Variants in SPTAN1 observed in about 807,000 individuals in gnomAD.
SPTAN1 encodes the protein spectrin alpha, non-erythrocytic 1.
A neutral mutation model predicts 331.3 loss-of-function variants in SPTAN1; 61 were observed. The ratio of observed to expected loss-of-function variants is 0.18; its 90% CI spans 0.15 to 0.23. SPTAN1 has a LOEUF of 0.23. Ranked by LOEUF, SPTAN1 falls within the 10% of genes least tolerant of loss-of-function variation. The pLI is 1.00. For missense variants in SPTAN1, 2,043 were observed against 3,147.9 expected (o/e 0.65, Z 8.40); for synonymous variants, 1,153 against 1,173.9 (o/e 0.98, Z 0.36).
chr9:128,576,887 G>A lies in SPTAN1; in HGVS notation c.716G>A (p.Arg239Gln), dbSNP rs371148094. 5 of 1,614,008 alleles carry A rather than the reference G, an allele frequency of 3.1e-6. No homozygotes were observed. The African/African-American group carries it at 4.0e-5, about 13-fold the overall frequency. ...KQDEVNAAWQ[R>Q]LKGLALQRQG... ...GATGAAGTCAATGCAGCCTGGCAGC[G>A]GCTGAAGGGCCTGGCTCTGCAGAGG... Residue 239 changes from arginine to glutamine, a missense_variant, in exon 6 of 57, where the codon CGG (arginine) becomes CAG (glutamine). Around this residue, in one of 12 missense-constraint regions of SPTAN1, gnomAD observed 1,038 missense variants for 1,531.5 expected, o/e 0.68. Coordinates refer to ENST00000372739, the MANE Select transcript of SPTAN1 (RefSeq NM_001130438.3).
In SPTAN1 at chr9:128,633,415, T is replaced by C; in HGVS notation, c.*81T>C. The C allele has an allele frequency of 6.2e-7, 1 of 1,603,272 alleles. No individual in the cohort carries two copies. Among genetic ancestry groups the C allele is most frequent in the South Asian group, 1.1e-5 (1 of 90,878 alleles). On this transcript the variant is annotated 3_prime_UTR_variant, in exon 57 of 57. Transcript: ENST00000372739. ...GTCCGCTCCTCTGTGTGCTCTCACT[T>C]TCCACTGTAACCTTAAGCCTGCTTA...
In SPTAN1 at chr9:128,585,773, G is replaced by A; in HGVS notation, c.2586G>A (p.Lys862=). Residue 862 remains lysine, a synonymous_variant, in exon 19 of 57, where the codon AAG becomes AAA. Transcript: ENST00000372739. The stretch of plus-strand genomic sequence containing the variant: ...GCCATTTTGCTGCAGAGGATGTGAA[G>A]GCCAAGCTTCACGAGCTGAACCAAA... ...EEGHFAAEDV[K]AKLHELNQKW... is the part of the protein sequence containing the mutation. The A allele has an allele frequency of 2.5e-6, 4 of 1,614,152 alleles. No individual in the cohort carries two copies. Among genetic ancestry groups the A allele is most frequent in the Non-Finnish European group, 3.4e-6 (4 of 1,180,036 alleles).
intron 37 of SPTAN1, among the ~76,000 whole-genome samples, chr9:128,610,176 A>G (rs1335053264): frequency 6.6e-6 from 1 of 152,230 alleles, no homozygotes; most frequent in Non-Finnish European, 1.5e-5. Context: ...TAATACCTCC[A>G]AATCTTCAAG....
In SPTAN1 at chr9:128,607,879, G is replaced by T; in HGVS notation, c.4174G>T (p.Ala1392Ser). 3 of 1,614,044 alleles carry T rather than the reference G, an allele frequency of 1.9e-6. No homozygotes were observed. Among genetic ancestry groups the T allele is most frequent in the South Asian group, 1.1e-5 (1 of 91,074 alleles). The change falls in exon 33 of 57, where the codon GCT becomes TCT. Residue 1392 changes from alanine to serine, a missense_variant. This residue lies in a region of SPTAN1 where 179 missense variants were observed against 215.7 expected (regional missense o/e 0.83). Transcript: ENST00000372739. Reference protein sequence around the residue: ...QEHRTEIDARAGTFQAFEQFG... With the variant: ...QEHRTEIDARSGTFQAFEQFG... ...ACACCGGACAGAAATCGATGCCAGG[G>T]CTGGCACTTTCCAGGCATTTGAGCA...
intron 44 of SPTAN1, 122 bp downstream of exon 44, chr9:128,619,125 C>T (rs1046924572): frequency 2.9e-5 from 42 of 1,430,578 alleles, no homozygotes; most frequent in Middle Eastern, 2.4e-4. Flanking sequence ...GGGCCAGCAG[C>T]CAAGGCCTCA....
intron 37 of SPTAN1, among the ~76,000 whole-genome samples, chr9:128,610,653 T>A (rs1312235686): frequency 6.6e-6 from 1 of 152,224 alleles, no homozygotes; most frequent in Non-Finnish European, 1.5e-5. Flanking sequence ...AGCTGCTATG[T>A]CCTTGCAATT....
chr9:128,598,627 C>G, intron 25 of SPTAN1, 123 bp downstream of exon 25: 2 of 876,542 alleles, frequency 2.3e-6, no homozygotes, highest in East Asian at 5.3e-5. Flanking sequence ...GGCTGTAGGT[C>G]AGGTCCTCTA....
At chr9:128,608,835 A>G (rs2131629935) in intron 34 of SPTAN1, 39 bp from the exon 35 acceptor site, 1 of 1,600,828 alleles carries the variant, frequency 6.2e-7, no homozygotes, top group East Asian at 2.2e-5. Context: ...GGGCCCAGCC[A>G]CAGGCCCACC....
chr9:128,558,462 A>G (rs1485993176), intron 1 of SPTAN1, among the ~76,000 whole-genome samples: 1 of 152,222 alleles, frequency 6.6e-6, no homozygotes, highest in Non-Finnish European at 1.5e-5. Context: ...CTATGTGAAC[A>G]GACTTGATTG....
chr9:128,630,287 C>T (rs745841634), intron 51 of SPTAN1, 34 bp from the exon 52 acceptor site: 74 of 1,612,136 alleles, frequency 4.6e-5, no homozygotes, highest in Non-Finnish European at 6.0e-5. Flanking sequence ...CAGCTGGGAG[C>T]AGGCCCCTTT....
At chr9:128,576,321 A>G (rs7032911) in intron 5 of SPTAN1, among the ~76,000 whole-genome samples, 147,546 of 152,274 alleles carry the variant, frequency 0.97, 71,638 homozygotes, top group Non-Finnish European at 1. Flanking sequence ...GGCTGACAAG[A>G]CAGGATCACT....
intron 1 of SPTAN1, chr9:128,555,482 T>C: frequency 8.9e-7 from 1 of 1,125,030 alleles, no homozygotes; most frequent in Non-Finnish European, 1.2e-6. Context: ...TCAAAGAGGT[T>C]GAATGATCCA....
chr9:128,568,941 G>C (rs1039959005), intron 3 of SPTAN1, 44 bp downstream of exon 3: 1 of 1,612,420 alleles, frequency 6.2e-7, no homozygotes, highest in Non-Finnish European at 8.5e-7. Context: ...CATCTGGGTG[G>C]AGCATTGTAG....
In SPTAN1 at chr9:128,583,246, T is replaced by C; in HGVS notation, c.1976T>C (p.Leu659Ser). The C allele has an allele frequency of 6.2e-7, 1 of 1,613,948 alleles. No homozygotes were observed. Among genetic ancestry groups the C allele is most frequent in the Non-Finnish European group, 8.5e-7 (1 of 1,180,012 alleles). ...VAARMNEVIS[L>S]WKKLLEATEL... ...GCTCGTATGAATGAGGTGATCAGTT[T>C]GTGGAAGAAACTGCTAGAGGCCACT... The change falls in exon 15 of 57, where the codon TTG (leucine) becomes TCG (serine). Residue 659 changes from leucine (L) to serine (S), a missense_variant. Coordinates refer to ENST00000372739, the MANE Select transcript of SPTAN1 (RefSeq NM_001130438.3).
At chr9:128,591,259 G>T (rs375684704) in intron 21 of SPTAN1, among the ~76,000 whole-genome samples, 16 of 151,840 alleles carry the variant, frequency 1.1e-4, no homozygotes. Flanking sequence ...GTAGAGACGG[G>T]GTTTCACTGT....
chr9:128,600,572 G>A (rs1016877178), intron 27 of SPTAN1, among the ~76,000 whole-genome samples: 8 of 152,234 alleles, frequency 5.3e-5, no homozygotes, highest in African/African-American at 1.9e-4. Flanking sequence ...CCCCACTACA[G>A]TAGACATTTT....
rs1852549781 is a variant in SPTAN1 at position 128,585,934 on chromosome 9, C to G, written c.2747C>G (p.Thr916Ser). 1.2e-6 allele frequency: 2 copies of G among 1,612,912 alleles called. No individual in the cohort carries two copies. The highest frequency in any genetic ancestry group is 3.3e-5 in the Admixed American group (2 of 59,990). ...GAGAAGGAACCCATTGTGGGCAGCACTGACTATGGCAAGGACGAAGACTCT... is the reference window on the plus strand; with the variant it reads ...GAGAAGGAACCCATTGTGGGCAGCAGTGACTATGGCAAGGACGAAGACTCT... ...MREKEPIVGS[T>S]DYGKDEDSAE... Residue 916 changes from threonine (T) to serine (S), a missense_variant, in exon 19 of 57, where the codon ACT becomes AGT. Thr to Ser is a moderately conservative substitution (Grantham distance 58). Around this residue, in one of 12 missense-constraint regions of SPTAN1, gnomAD observed 1,038 missense variants for 1,531.5 expected, o/e 0.68. Transcript: ENST00000372739.
intron 1 of SPTAN1, among the ~76,000 whole-genome samples, chr9:128,563,739 A>G (rs1167340524): frequency 6.9e-6 from 1 of 145,232 alleles, no homozygotes; most frequent in African/African-American, 2.6e-5. Flanking sequence ...TTTTTGAGAC[A>G]GGGTCTCATT....
rs758404011 is a variant in SPTAN1, at chr9:128,611,722, C to G, written c.4782C>G (p.His1594Gln). The change falls in exon 38 of 57, where the codon CAC (histidine) becomes CAG (glutamine). Residue 1594 changes from histidine to glutamine, a missense_variant. By Grantham distance (24) the His-to-Gln change is conservative. Coordinates refer to ENST00000372739, the MANE Select transcript of SPTAN1 (RefSeq NM_001130438.3). Reference sequence around the variant, plus strand: ...TTTTTTGGTATTTTTAGAGCAAGCACCAGAAGCACCAGGCTTTTGAAGCAG... The same window carrying G: ...TTTTTTGGTATTTTTAGAGCAAGCAGCAGAAGCACCAGGCTTTTGAAGCAG... ...NIQLSKLLSKHQKHQAFEAEL... is the reference protein window; with the variant it reads ...NIQLSKLLSKQQKHQAFEAEL... 6 of 1,614,070 alleles carry G rather than the reference C, an allele frequency of 3.7e-6. No individual in the cohort carries two copies. The highest frequency in any genetic ancestry group is 4.2e-6 in the Non-Finnish European group (5 of 1,180,024).
Sources: allele counts gnomAD v4.1 joint callset (sites outside exome capture counted in the v4.1 genomes callset), GRCh38; gene constraint gnomAD v4.1.1; regional missense constraint gnomAD v4.1.1; transcripts MANE v1.5; gene names NCBI Gene and HGNC (gene_info 2026-07-23, HGNC 2026-07-21).